Variants in NOC3L observed in about 807,000 individuals in gnomAD.
NOC3L encodes the protein NOC3 like DNA replication regulator.
In NOC3L, 85 loss-of-function variants were observed where a neutral mutation model predicts 102.5. The ratio of observed to expected loss-of-function variants is 0.83; its 90% CI spans 0.70 to 0.99. NOC3L has a LOEUF of 0.99. NOC3L is among the 50% of genes least tolerant of loss of function. The pLI, the probability that NOC3L is intolerant of heterozygous loss-of-function variation, is 0.00. For synonymous variants in NOC3L, 303 were observed against 309.4 expected (o/e 0.98, Z 0.22); for missense variants, 878 against 914.9 (o/e 0.96, Z 0.52).
intron 8 of NOC3L, among the ~76,000 whole-genome samples, chr10:94,350,887 A>G (rs1015148067): frequency 2.0e-5 from 3 of 152,130 alleles, no homozygotes; most frequent in Admixed American, 6.5e-5. Context: ...CACTCTAAGT[A>G]TAAAATACAA....
In NOC3L at chr10:94,338,644, A is replaced by T. The variant is rs769192078; in HGVS notation, c.2055T>A (p.Ala685=). The T allele has an allele frequency of 1.9e-6, 3 of 1,610,754 alleles. No individual in the cohort carries two copies. In the South Asian group the frequency reaches 3.3e-5, roughly 18 times the overall value. ...GCAGTTCCCACAGAGCAGTGTTCTGAGCATTGCAGTACTCAGGCTCATCCA... is the reference window on the plus strand; with the variant it reads ...GCAGTTCCCACAGAGCAGTGTTCTGTGCATTGCAGTACTCAGGCTCATCCA... The part of the protein sequence containing the change: ...PELDEPEYCN[A]QNTALWELHA... The change falls in exon 18 of 21, where the codon GCT becomes GCA. Residue 685 remains alanine (A), a synonymous_variant. Transcript: ENST00000371361.
In NOC3L at chr10:94,346,410, G is replaced by T. The variant is rs772556238; in HGVS notation, c.1389+15C>A. ...CAGAAAATTTAAATGAAACAAAAGG[G>T]GAAATAAGTCAAACCTTTCTCTGCA... On this transcript the variant is annotated intron_variant, in intron 11 of 20. Transcript: ENST00000371361. 2.1e-6 allele frequency: 3 copies of T among 1,455,120 alleles called. No homozygotes were observed. Among genetic ancestry groups the T allele is most frequent in the Middle Eastern group, 3.6e-4 (2 of 5,538 alleles). 90.1% of individuals were successfully genotyped at this position (1,455,120 alleles called of 1,614,324 possible).
chr10:94,341,848 G>A (rs976753022), intron 13 of NOC3L, 103 bp from the exon 14 acceptor site: 33 of 611,226 alleles, frequency 5.4e-5, no homozygotes, highest in Non-Finnish European at 7.3e-5. Context: ...TCTTTATTTC[G>A]AAATGTTAGC....
chr10:94,340,323 A>C lies in NOC3L; in HGVS notation c.1733T>G (p.Leu578Trp). ...TTTGTAGAGATGTGTGTAGAATTTC[A>C]ATGGATCAATATTCAGAACATCACC... ...GQGDVLNIDP[L>W]KFYTHLYKTL... is the part of the protein sequence containing the mutation. The change falls in exon 16 of 21, where the codon TTG becomes TGG. Residue 578 changes from leucine (L) to tryptophan (W), a missense_variant. Physicochemically the swap from Leu to Trp is moderately conservative, Grantham distance 61 (BLOSUM62 -2). Coordinates refer to ENST00000371361, the MANE Select transcript of NOC3L (RefSeq NM_022451.11). 2 of 1,613,216 alleles carry C rather than the reference A, an allele frequency of 1.2e-6. No homozygotes were observed. The highest frequency in any genetic ancestry group is 1.7e-6 in the Non-Finnish European group (2 of 1,179,628).
intron 1 of NOC3L, 140 bp downstream of exon 1, chr10:94,362,690 T>C (rs766514863): frequency 2.4e-6 from 2 of 847,724 alleles, no homozygotes; most frequent in Non-Finnish European, 3.9e-6. Flanking sequence ...ATGAGCTCGG[T>C]GTAAGGAATG....
At position 94,351,978 on chromosome 10, in the gene NOC3L, T is replaced by C. The variant is rs538546607; in HGVS notation, c.952+332A>G. On this transcript the variant is annotated intron_variant, in intron 8 of 20. Transcript: ENST00000371361. The stretch of plus-strand genomic sequence containing the variant: ...AAAACTGCAGCAATAATACTAATAA[T>C]TGATAAAATATAGTGTATAGTACAT... Among the ~76,000 whole-genome samples, 54 of 152,286 alleles carry C rather than the reference T, an allele frequency of 3.5e-4. No individual in the cohort carries two copies. In the South Asian group the frequency reaches 0.011, roughly 32 times the overall value.
Position 94,350,178 on chromosome 10 carries a change from G to A in NOC3L, c.1063C>T (p.His355Tyr), listed in dbSNP as rs756027851. The change falls in exon 9 of 21, where the codon CAT (histidine) becomes TAT (tyrosine). Residue 355 changes from histidine to tyrosine, a missense_variant. Coordinates refer to ENST00000371361, the MANE Select transcript of NOC3L (RefSeq NM_022451.11). ...ATGATGTTGTTGTGAAAGTTAAAAT[G>A]AGGTAGTGCCACCAACAGCTCACAC... ...SLCELLVALP[H>Y]FNFHNNIIVL... is the part of the protein sequence containing the mutation. 7.4e-6 allele frequency: 12 copies of A among 1,614,168 alleles called. No individual in the cohort carries two copies. Among genetic ancestry groups the A allele is most frequent in the Non-Finnish European group, 9.3e-6 (11 of 1,180,014 alleles).
rs754903667 is a variant in NOC3L, at chr10:94,334,733, C to CA, written c.2190-16dup. On this transcript the variant is annotated splice_polypyrimidine_tract_variant and intron_variant, in intron 19 of 20. Transcript: ENST00000371361. The stretch of plus-strand genomic sequence containing the variant: ...CAGTAGCAGATCTAAATCACAAACA[C>CA]AAAAAATGTAAAGATACCACCACAT... 135 of 1,574,124 alleles carry CA rather than the reference C, an allele frequency of 8.6e-5. No homozygotes were observed. The highest frequency in any genetic ancestry group is 1.1e-4 in the Non-Finnish European group (122 of 1,148,836).
intron 19 of NOC3L, among the ~76,000 whole-genome samples, chr10:94,335,242 A>C (rs767796636): frequency 2.0e-5 from 3 of 152,198 alleles, no homozygotes; most frequent in Admixed American, 6.5e-5. Context: ...GGGCCTACGA[A>C]GGTAGCAATT....
rs754823287 is a variant in NOC3L at position 94,337,826 on chromosome 10, C to T, written c.2140G>A (p.Gly714Arg). ...VQRFAAHLIA[G>R]APSEGSGALK... ...GCTCCAGAGCCTTCAGAAGGTGCTC[C>T]AGCGATCAGGTGGGCTGCAAATCTC... is the stretch of plus-strand genomic sequence containing the variant. The change falls in exon 19 of 21, where the codon GGA (glycine) becomes AGA (arginine). Residue 714 changes from glycine (G) to arginine (R), a missense_variant. Gly to Arg is a moderately radical substitution (Grantham distance 125). Transcript: ENST00000371361. 1.7e-5 allele frequency: 27 copies of T among 1,613,906 alleles called. No homozygotes were observed. Among genetic ancestry groups the T allele is most frequent in the Non-Finnish European group, 6.8e-6 (8 of 1,179,958 alleles).
chr10:94,352,585 G>A (rs574139934), intron 7 of NOC3L, among the ~76,000 whole-genome samples, 182 bp from the exon 8 acceptor site: 1 of 152,302 alleles, frequency 6.6e-6, no homozygotes, highest in Non-Finnish European at 1.5e-5. Flanking sequence ...ACTTTGTGAG[G>A]CAGAGGCGGG....
downstream of NOC3L, chr10:94,328,245 C>A: frequency 4.1e-6 from 1 of 243,924 alleles, no homozygotes; most frequent in South Asian, 5.4e-5. Context: ...CTGTAAAGGG[C>A]CAAACAGTAA....
intron 10 of NOC3L, among the ~76,000 whole-genome samples, chr10:94,348,044 A>G (rs988411953): frequency 3.3e-5 from 5 of 151,322 alleles, no homozygotes; most frequent in Non-Finnish European, 7.4e-5. Flanking sequence ...ATATAACACA[A>G]TAATTAAGCA....
chr10:94,324,231 G>GGAA, the NOC3L span: 1 of 818,560 alleles, frequency 1.2e-6, no homozygotes, highest in East Asian at 2.4e-5. Flanking sequence ...GAAATGATCT[G>GGAA]GAAGATCCCC....
chr10:94,337,824 T>A lies in NOC3L; in HGVS notation c.2142A>T (p.Gly714=), dbSNP rs372440579. Residue 714 remains glycine (G), a synonymous_variant, in exon 19 of 21, where the codon GGA becomes GGT. Transcript: ENST00000371361. ...GTGCTCCAGAGCCTTCAGAAGGTGC[T>A]CCAGCGATCAGGTGGGCTGCAAATC... ...VQRFAAHLIA[G]APSEGSGALK... is the part of the protein sequence containing the mutation. 2 of 1,613,960 alleles carry A rather than the reference T, an allele frequency of 1.2e-6. No homozygotes were observed. The highest frequency in any genetic ancestry group is 2.7e-5 in the African/African-American group (2 of 74,922).
chr10:94,327,533 G>C, the NOC3L span, among the ~76,000 whole-genome samples: 43 of 152,274 alleles, frequency 2.8e-4, no homozygotes, highest in African/African-American at 9.9e-4. Context: ...AAGAGGGAGA[G>C]AGAGCAAAAA....
Position 94,349,361 on chromosome 10 carries a change from A to C in NOC3L, c.1146T>G (p.Cys382Trp). The part of the protein sequence containing the change: ...DMSKLISEMC[C>W]EAVKKLFKQD... ...GCTTAAAGAGTTTCTTCACAGCTTC[A>C]CAACACATTTCAGATATCTGAAAAA... The change falls in exon 10 of 21, where the codon TGT becomes TGG. Residue 382 changes from cysteine to tryptophan, a missense_variant. Transcript: ENST00000371361. The C allele has an allele frequency of 6.3e-7, 1 of 1,579,698 alleles. No homozygotes were observed. The highest frequency in any genetic ancestry group is 2.2e-5 in the East Asian group (1 of 44,484).
rs1430712855 is a variant in NOC3L, at chr10:94,346,420, C to G, written c.1389+5G>C. 1 of 1,483,122 alleles carries G rather than the reference C, an allele frequency of 6.7e-7. No individual in the cohort carries two copies. The highest frequency in any genetic ancestry group is 1.5e-5 in the African/African-American group (1 of 68,730). The allele number at this position is 1,483,122 out of a possible 1,614,324, so 91.9% of individuals were successfully genotyped here. A position where few individuals can be genotyped will look rare whatever the true frequency, so the allele number is the denominator to read the frequency against. On this transcript the variant is annotated splice_donor_5th_base_variant and intron_variant, in intron 11 of 20. Coordinates refer to ENST00000371361, the MANE Select transcript of NOC3L (RefSeq NM_022451.11). ...AAATGAAACAAAAGGGGAAATAAGT[C>G]AAACCTTTCTCTGCATTCTTGATAG...
Position 94,334,847 on chromosome 10 carries a change from C to G in NOC3L, c.2190-129G>C, listed in dbSNP as rs1261102631. On this transcript the variant is annotated intron_variant, in intron 19 of 20. Coordinates refer to ENST00000371361, the MANE Select transcript of NOC3L (RefSeq NM_022451.11). ...AGGTATAAGATTTGAAACTAACCAA[C>G]CAATCCAGTCACTTAACAAATTCTA... 7 of 658,106 alleles carry G rather than the reference C, an allele frequency of 1.1e-5. No homozygotes were observed. In the African/African-American group the frequency reaches 1.3e-4, roughly 12 times the overall value. 40.8% of individuals were successfully genotyped at this position (658,106 alleles called of 1,614,324 possible).
Sources: allele counts gnomAD v4.1 joint callset (sites outside exome capture counted in the v4.1 genomes callset), GRCh38; gene constraint gnomAD v4.1.1; transcripts MANE v1.5; gene names NCBI Gene and HGNC (gene_info 2026-07-23, HGNC 2026-07-21).